Variants in SLC43A2 observed in about 807,000 individuals in gnomAD.
SLC43A2 encodes large neutral amino acids transporter small subunit 4.
Under a neutral mutation model 63.2 loss-of-function variants are expected in SLC43A2, and 38 were observed. The observed-to-expected ratio is 0.60, with a 90% confidence interval of 0.46 to 0.79. The LOEUF (loss-of-function observed/expected upper bound fraction) is 0.79. Among genes scored for constraint, SLC43A2 ranks in the 30% least tolerant of loss-of-function variants. The pLI is 0.00. For synonymous variants in SLC43A2, 322 were observed against 331.0 expected, an observed-to-expected ratio of 0.97 and a Z score of 0.30; for missense variants, 644 against 756.2, an observed-to-expected ratio of 0.85 and a Z score of 1.74.
intron 5 of SLC43A2, among the ~76,000 whole-genome samples, chr17:1,610,137 G>A (rs1294684092): frequency 2.6e-5 from 4 of 151,510 alleles, no homozygotes; most frequent in African/African-American, 4.9e-5. Context: ...GGCTGGTCTC[G>A]AACTCCTGAC....
chr17:1,581,853 T>C (rs1039287686), intron 11 of SLC43A2, among the ~76,000 whole-genome samples: 1 of 151,572 alleles, frequency 6.6e-6, no homozygotes, highest in Non-Finnish European at 1.5e-5. Context: ...TCGCCCAGGC[T>C]GGAGTGCAGT....
Position 1,614,998 on chromosome 17 carries a change from G to A in SLC43A2, c.405C>T (p.Tyr135=), listed in dbSNP as rs147625117. Residue 135 remains tyrosine (Y), a synonymous_variant, in exon 4 of 14, where the codon TAC becomes TAT. Transcript: ENST00000301335. The part of the protein sequence containing the change: ...CFAVSCLLIA[Y]GASKPNALSV... Reference sequence around the variant, plus strand: ...ACTCACCGTTTGGTTTACTTGCTCCGTACGCAATCAGCAAGCAGGAAACCG... The same window carrying A: ...ACTCACCGTTTGGTTTACTTGCTCCATACGCAATCAGCAAGCAGGAAACCG... 28 of 1,613,880 alleles carry A rather than the reference G, an allele frequency of 1.7e-5. No homozygotes were observed. Among genetic ancestry groups the A allele is most frequent in the African/African-American group, 1.1e-4 (8 of 74,886 alleles).
At chr17:1,616,121 G>GA in intron 3 of SLC43A2, among the ~76,000 whole-genome samples, 1 of 151,282 alleles carries the variant, frequency 6.6e-6, no homozygotes. Flanking sequence ...GGTACGTGTT[G>GA]AAAATCTTTT....
intron 5 of SLC43A2, among the ~76,000 whole-genome samples, chr17:1,594,254 G>A (rs564325562): frequency 2.6e-5 from 4 of 152,250 alleles, no homozygotes; most frequent in East Asian, 3.9e-4. Flanking sequence ...AGCCACTCTC[G>A]GCATCTCACA....
chr17:1,591,478 C>A lies in SLC43A2; in HGVS notation c.729-7G>T. Reference sequence around the variant, plus strand: ...GCTGAACTTGATCTTCACCCTGGGGCCCCGGGAGAGTGTCTGTGGGTGCTG... The same window carrying A: ...GCTGAACTTGATCTTCACCCTGGGGACCCGGGAGAGTGTCTGTGGGTGCTG... On this transcript the variant is annotated splice_polypyrimidine_tract_variant and splice_region_variant and intron_variant, in intron 7 of 13. Transcript: ENST00000301335. 6.2e-7 allele frequency: 1 copy of A among 1,612,754 alleles called. No individual in the cohort carries two copies. Among genetic ancestry groups the A allele is most frequent in the Non-Finnish European group, 8.5e-7 (1 of 1,179,870 alleles).
chr17:1,597,591 G>C (rs1188650988), intron 5 of SLC43A2, among the ~76,000 whole-genome samples: 2 of 151,616 alleles, frequency 1.3e-5, no homozygotes, highest in African/African-American at 4.8e-5. Context: ...CCTGAGGTCA[G>C]GAGTTCGAGA....
In SLC43A2 at chr17:1,586,052, C is replaced by T. The variant is rs2076097664; in HGVS notation, c.1079-1G>A. The T allele has an allele frequency of 4.4e-6, 7 of 1,589,364 alleles. No homozygotes were observed. Among genetic ancestry groups the T allele is most frequent in the Non-Finnish European group, 6.0e-6 (7 of 1,168,198 alleles). On this transcript the variant is annotated splice_acceptor_variant, in intron 9 of 13. Coordinates refer to ENST00000301335, the MANE Select transcript of SLC43A2 (RefSeq NM_152346.3). LOFTEE classifies it high-confidence loss of function. ...CCGAAGATGGAGGTGTAGAGGCCAA[C>T]TGTGGAGGAAGGCGCTGCGTCATGG...
chr17:1,611,693 A>C (rs1018388155), intron 5 of SLC43A2, among the ~76,000 whole-genome samples: 23 of 152,168 alleles, frequency 1.5e-4, no homozygotes, highest in Admixed American at 1.5e-3. Flanking sequence ...CCTCAAAGCT[A>C]AACAAGAACC....
rs1906594058 is a variant in SLC43A2 at position 1,606,152 on chromosome 17, G to A, written c.501+7043C>T. Among the ~76,000 whole-genome samples, 5 of 151,524 alleles carry A rather than the reference G, an allele frequency of 3.3e-5. No individual in the cohort carries two copies. In the South Asian group the frequency reaches 1.0e-3, roughly 32 times the overall value. On this transcript the variant is annotated intron_variant, in intron 5 of 13. Coordinates refer to ENST00000301335, the MANE Select transcript of SLC43A2 (RefSeq NM_152346.3). The surrounding 1 kb of genome is among the most constrained non-coding windows in gnomAD (Gnocchi z 4.7). The stretch of plus-strand genomic sequence containing the variant: ...CTAGACCCTCCAGAGCTGGCCGGGG[G>A]CCACCGCGGGACCCTCTCCTGGACC...
intron 13 of SLC43A2, among the ~76,000 whole-genome samples, chr17:1,576,055 G>C (rs915660464): frequency 6.6e-6 from 1 of 151,866 alleles, no homozygotes; most frequent in Non-Finnish European, 1.5e-5. Flanking sequence ...GAGGTGGGGC[G>C]GGGACAGGAA....
At chr17:1,609,916 T>A (rs1042586011) in intron 5 of SLC43A2, among the ~76,000 whole-genome samples, 10 of 146,896 alleles carry the variant, frequency 6.8e-5, no homozygotes, top group African/African-American at 2.5e-4. Context: ...GCTGATAGAA[T>A]TTTTTTTTTT....
intron 13 of SLC43A2, among the ~76,000 whole-genome samples, chr17:1,576,283 C>T (rs759376442): frequency 2.0e-5 from 3 of 151,932 alleles, no homozygotes; most frequent in Admixed American, 6.6e-5. Flanking sequence ...CTGGTTTCAC[C>T]ATGTTGGCCA....
rs2075813569 is a variant in SLC43A2, at chr17:1,569,293, T to G, written c.*6311A>C. The G allele has an allele frequency of 6.6e-6, 1 of 152,324 alleles. No homozygotes were observed. The highest frequency in any genetic ancestry group is 1.5e-5 in the Non-Finnish European group (1 of 68,140). 9.4% of individuals were successfully genotyped at this position (152,324 alleles called of 1,614,324 possible). On this transcript the variant is annotated 3_prime_UTR_variant, in exon 14 of 14. Coordinates refer to ENST00000301335, the MANE Select transcript of SLC43A2 (RefSeq NM_152346.3). ...TCATTCTCAGCATACATTTATTGAG[T>G]GCTCACTGTGTGCCAGGAAGTAAGC...
chr17:1,591,725 G>GGT (rs1904818618), intron 6 of SLC43A2, 26 bp from the exon 7 acceptor site: 2 of 975,396 alleles, frequency 2.1e-6, no homozygotes, highest in East Asian at 5.6e-5. Flanking sequence ...GGGACGGGGT[G>GGT]GGGGGGGGAG....
chr17:1,593,231 T>A lies in SLC43A2; in HGVS notation c.550A>T (p.Ile184Phe). 6.2e-7 allele frequency: 1 copy of A among 1,613,986 alleles called. No homozygotes were observed. Among genetic ancestry groups the A allele is most frequent in the Non-Finnish European group, 8.5e-7 (1 of 1,179,988 alleles). ...DLRSTFIALM[I>F]GSYASSAVTF... Reference sequence around the variant, plus strand: ...ACTGCCGAGGAGGCGTAGGACCCAATCATCAAGGCAATAAACGTGGACCGA... The same window carrying A: ...ACTGCCGAGGAGGCGTAGGACCCAAACATCAAGGCAATAAACGTGGACCGA... The change falls in exon 6 of 14, where the codon ATT (isoleucine) becomes TTT (phenylalanine). Residue 184 changes from isoleucine (I) to phenylalanine (F), a missense_variant. This residue lies in a region of SLC43A2 where 528 missense variants were observed against 623.6 expected (regional missense o/e 0.85). Coordinates refer to ENST00000301335, the MANE Select transcript of SLC43A2 (RefSeq NM_152346.3). The surrounding 1 kb of genome is among the most constrained non-coding windows in gnomAD (Gnocchi z 5.3).
At chr17:1,588,982 A>G (rs1212595010) in intron 9 of SLC43A2, among the ~76,000 whole-genome samples, 1 of 152,176 alleles carries the variant, frequency 6.6e-6, no homozygotes, top group Non-Finnish European at 1.5e-5. Context: ...CGCAAAGCTC[A>G]CGAGTGTGCG....
chr17:1,617,719 G>A (rs1054465365), intron 2 of SLC43A2, among the ~76,000 whole-genome samples: 1 of 152,204 alleles, frequency 6.6e-6, no homozygotes, highest in African/African-American at 2.4e-5. Context: ...TTTCCTTGCC[G>A]GGGTCACAGT....
intron 2 of SLC43A2, among the ~76,000 whole-genome samples, chr17:1,621,267 G>C (rs1908128118): frequency 6.6e-6 from 1 of 152,164 alleles, no homozygotes; most frequent in African/African-American, 2.4e-5. Flanking sequence ...GACAAAGGGA[G>C]GGGGGCCTCC....
chr17:1,590,186 T>C (rs1192557968), intron 9 of SLC43A2, among the ~76,000 whole-genome samples: 2 of 152,152 alleles, frequency 1.3e-5, no homozygotes, highest in African/African-American at 2.4e-5. Flanking sequence ...GTCCTGACTT[T>C]CTCTGTAGAA....
Sources: allele counts gnomAD v4.1 joint callset (sites outside exome capture counted in the v4.1 genomes callset), GRCh38; gene constraint gnomAD v4.1.1; regional missense constraint gnomAD v4.1.1; non-coding constraint Gnocchi (gnomAD v3.1); transcripts MANE v1.5; gene names NCBI Gene and HGNC (gene_info 2026-07-23, HGNC 2026-07-21).